The following PELI2 variants were observed in gnomAD, a reference collection of about 807,000 sequenced individuals.
PELI2 encodes pellino E3 ubiquitin protein ligase family member 2.
Under a neutral mutation model 42.3 loss-of-function variants are expected in PELI2, and 23 were observed. The observed-to-expected ratio is 0.54, with a 90% CI of 0.39 to 0.77. The LOEUF (loss-of-function observed/expected upper bound fraction) is 0.77. Ranked by LOEUF, PELI2 falls within the 30% of genes least tolerant of loss-of-function variation. PELI2 has a pLI of 0.00. For synonymous variants in PELI2, 245 were observed against 212.2 expected (o/e 1.15, Z -1.34); for missense variants, 463 against 553.2 (o/e 0.84, Z 1.64).
chr14:56,295,209 C>T (rs1044642329), intron 5 of PELI2, among the ~76,000 whole-genome samples: 8 of 152,150 alleles, frequency 5.3e-5, no homozygotes, highest in Non-Finnish European at 1.2e-4. Context: ...CTCATCTTTA[C>T]CCCTCCAACC....
chr14:56,132,812 A>AT (rs1883539278), intron 1 of PELI2, among the ~76,000 whole-genome samples: 1 of 152,116 alleles, frequency 6.6e-6, no homozygotes, highest in African/African-American at 2.4e-5. Flanking sequence ...TGTGAAATTA[A>AT]TTCACCCCAG....
chr14:56,297,906 A>G lies in PELI2; in HGVS notation c.*740A>G, dbSNP rs1890065446. On this transcript the variant is annotated 3_prime_UTR_variant, in exon 6 of 6. Coordinates refer to ENST00000267460, the MANE Select transcript of PELI2 (RefSeq NM_021255.3). ...CCTAATATGATTTGCCCCGATACTC[A>G]TCTTGCACGGCCAGAACTGTTTGGT... 6.6e-6 allele frequency: 1 copy of G among 152,008 alleles called. No homozygotes were observed. Among genetic ancestry groups the G allele is most frequent in the African/African-American group, 2.4e-5 (1 of 41,380 alleles). The allele number at this position is 152,008 out of a possible 1,614,324, so 9.4% of individuals were successfully genotyped here. A position where few individuals can be genotyped will look rare whatever the true frequency, so the allele number is the denominator to read the frequency against.
chr14:56,145,684 A>C (rs778465810), intron 1 of PELI2, among the ~76,000 whole-genome samples: 1 of 152,238 alleles, frequency 6.6e-6, no homozygotes, highest in Non-Finnish European at 1.5e-5. Context: ...AATGCAAACT[A>C]TCATTTATTC....
intron 2 of PELI2, among the ~76,000 whole-genome samples, chr14:56,202,170 T>C (rs577386348): frequency 1.3e-5 from 2 of 152,342 alleles, no homozygotes; most frequent in South Asian, 4.1e-4. Context: ...GTTGTTGTTG[T>C]TGTTGTTAAA....
At chr14:56,136,462 G>A (rs1883692432) in intron 1 of PELI2, among the ~76,000 whole-genome samples, 1 of 152,180 alleles carries the variant, frequency 6.6e-6, no homozygotes, top group South Asian at 2.1e-4. Flanking sequence ...TTAAATCAGG[G>A]TTTCAACTGA....
At chr14:56,204,898 G>A (rs1886458063) in intron 2 of PELI2, among the ~76,000 whole-genome samples, 12 of 152,010 alleles carry the variant, frequency 7.9e-5, no homozygotes, top group Admixed American at 7.9e-4. Context: ...AGGCGTGGTG[G>A]CACGAGCCTG....
At chr14:56,235,157 GGC>G (rs1417517735) in intron 2 of PELI2, among the ~76,000 whole-genome samples, 2,193 of 151,958 alleles carry the variant, frequency 0.014, 55 homozygotes, top group African/African-American at 0.051. Context: ...TACTTTTAAT[GGC>G]AAAAACCACA....
intron 1 of PELI2, among the ~76,000 whole-genome samples, chr14:56,159,508 CT>C (rs1884680767): frequency 6.6e-6 from 1 of 152,036 alleles, no homozygotes; most frequent in African/African-American, 2.4e-5. Context: ...AATAACAAAC[CT>C]TTACCTGGTG....
At chr14:56,228,825 A>G (rs7143043) in intron 2 of PELI2, among the ~76,000 whole-genome samples, 60,880 of 152,156 alleles carry the variant, frequency 0.4, 12,983 homozygotes, top group South Asian at 0.53. Context: ...GAAGCGCAAG[A>G]GATCAGGGAA....
At chr14:56,209,984 G>A (rs1886656641) in intron 2 of PELI2, among the ~76,000 whole-genome samples, 1 of 152,202 alleles carries the variant, frequency 6.6e-6, no homozygotes, top group Admixed American at 6.5e-5. Flanking sequence ...TCTTGGACTG[G>A]AGGAAATGCA....
At chr14:56,205,283 A>G (rs1011418854) in intron 2 of PELI2, among the ~76,000 whole-genome samples, 7 of 152,172 alleles carry the variant, frequency 4.6e-5, no homozygotes, top group South Asian at 2.1e-4. Context: ...AATGCATGCA[A>G]TTTGGGAACA....
intron 2 of PELI2, among the ~76,000 whole-genome samples, chr14:56,268,358 G>A (rs1265474324): frequency 1.3e-5 from 2 of 152,168 alleles, no homozygotes; most frequent in African/African-American, 2.4e-5. Context: ...AGAAGTAAAT[G>A]TAGGATGTCA....
intron 5 of PELI2, among the ~76,000 whole-genome samples, chr14:56,295,610 C>G (rs1889975131): frequency 6.6e-6 from 1 of 152,218 alleles, no homozygotes; most frequent in African/African-American, 2.4e-5. Context: ...GACTGCGTAC[C>G]AGACAGTGTT....
intron 2 of PELI2, among the ~76,000 whole-genome samples, chr14:56,236,413 A>C (rs748648431): frequency 1.3e-5 from 2 of 152,178 alleles, no homozygotes; most frequent in Non-Finnish European, 2.9e-5. Context: ...CTGAGGAATG[A>C]ATGAGATTCC....
intron 3 of PELI2, among the ~76,000 whole-genome samples, chr14:56,286,740 GT>G (rs965540649): frequency 6.6e-5 from 10 of 151,452 alleles, no homozygotes; most frequent in South Asian, 2.1e-4. Flanking sequence ...TTTTTTTGTT[GT>G]TTTTTTTGTT....
intron 2 of PELI2, among the ~76,000 whole-genome samples, chr14:56,190,967 A>T (rs1234893604): frequency 6.6e-6 from 1 of 152,244 alleles, no homozygotes; most frequent in African/African-American, 2.4e-5. Context: ...TAAAACAGTA[A>T]TGATTTTACA....
intron 1 of PELI2, among the ~76,000 whole-genome samples, chr14:56,168,309 CAG>C (rs1885042125): frequency 6.6e-6 from 1 of 152,166 alleles, no homozygotes; most frequent in Non-Finnish European, 1.5e-5. Context: ...GCCCTGATGT[CAG>C]GGACTAGAGT....
chr14:56,226,370 GT>G (rs1245702274), intron 2 of PELI2, among the ~76,000 whole-genome samples: 1 of 152,170 alleles, frequency 6.6e-6, no homozygotes, highest in Non-Finnish European at 1.5e-5. Context: ...CTTCTTGGAT[GT>G]ATTCCTTGCT....
chr14:56,216,783 A>G (rs1223103238), intron 2 of PELI2, among the ~76,000 whole-genome samples: 1 of 152,216 alleles, frequency 6.6e-6, no homozygotes, highest in Non-Finnish European at 1.5e-5. Flanking sequence ...CTCCCCTGAA[A>G]AAGCTAATTC....
Sources: gnomAD v4.1 joint callset for allele counts (sites outside exome capture counted in the v4.1 genomes callset) on GRCh38, gnomAD v4.1.1 for gene constraint, MANE v1.5 for transcripts, NCBI Gene and HGNC (gene_info 2026-07-23, HGNC 2026-07-21) for gene names.